The following SEZ6L variants were observed in gnomAD, a reference collection of about 807,000 sequenced individuals.
The protein encoded by SEZ6L is seizure 6-like protein.
A neutral mutation model predicts 106.2 loss-of-function variants in SEZ6L; 37 were observed. The ratio of observed to expected loss-of-function variants is 0.35; its 90% CI spans 0.27 to 0.46. The LOEUF is 0.46. Among genes scored for constraint, SEZ6L ranks in the 20% least tolerant of loss-of-function variants. SEZ6L has a pLI of 1.00. For missense variants in SEZ6L, 1,172 were observed against 1,332.8 expected (o/e 0.88, Z 1.88); for synonymous variants, 541 against 570.4 (o/e 0.95, Z 0.73).
chr22:26,342,383 G>T (rs1025007801), intron 10 of SEZ6L, among the ~76,000 whole-genome samples: 1 of 152,110 alleles, frequency 6.6e-6, no homozygotes, highest in South Asian at 2.1e-4. Context: ...CTTTCTCCCC[G>T]TTCACTTAAA....
At position 26,382,790 on chromosome 22, in the gene SEZ6L, G is replaced by A. The variant is rs964487209; in HGVS notation, c.*2495G>A. 2.6e-5 allele frequency: 4 copies of A among 152,202 alleles called. No homozygotes were observed. The highest frequency in any genetic ancestry group is 1.9e-4 in the East Asian group (1 of 5,180). The allele number at this position is 152,202 out of a possible 1,614,324, so 9.4% of individuals were successfully genotyped here. ...AGGCATCTCATTACAGCTCATGTAC[G>A]TCTGTTTTTATAAGATCAATATTAA... On this transcript the variant is annotated 3_prime_UTR_variant, in exon 17 of 17. Transcript: ENST00000248933.
intron 12 of SEZ6L, among the ~76,000 whole-genome samples, chr22:26,361,659 G>A (rs1489930306): frequency 6.6e-6 from 1 of 152,098 alleles, no homozygotes; most frequent in African/African-American, 2.4e-5. Context: ...GCGTGAGCTT[G>A]TTTTATTCTC....
At chr22:26,300,832 G>C (rs550256781) in intron 5 of SEZ6L, among the ~76,000 whole-genome samples, 1 of 152,300 alleles carries the variant, frequency 6.6e-6, no homozygotes, top group African/African-American at 2.4e-5. Context: ...TTGTTATTGA[G>C]TTGTAAGCAA....
intron 1 of SEZ6L, among the ~76,000 whole-genome samples, chr22:26,190,108 GAAGA>G (rs1346453636): frequency 6.7e-6 from 1 of 149,868 alleles, no homozygotes; most frequent in East Asian, 2.0e-4. Context: ...AAAAAAAAAA[GAAGA>G]AAGAAAAGAA....
intron 1 of SEZ6L, among the ~76,000 whole-genome samples, chr22:26,186,790 G>T (rs953706137): frequency 1.1e-4 from 17 of 152,138 alleles, no homozygotes; most frequent in Non-Finnish European, 2.1e-4. Context: ...ATCAAGCAGA[G>T]AATCATTGTC....
intron 1 of SEZ6L, among the ~76,000 whole-genome samples, chr22:26,219,272 G>A (rs5761411): frequency 0.49 from 45,192 of 92,076 alleles, 8,399 homozygotes; most frequent in Non-Finnish European, 0.56. Flanking sequence ...TTTTTTTTTC[G>A]CTCCTGGCAA....
At chr22:26,174,201 GGGGT>G (rs2123761042) in intron 1 of SEZ6L, among the ~76,000 whole-genome samples, 1 of 152,286 alleles carries the variant, frequency 6.6e-6, no homozygotes, top group East Asian at 1.9e-4. Flanking sequence ...ATTCTCACCA[GGGGT>G]GGTCAGTGAA....
At chr22:26,172,460 T>C (rs1289874461) in intron 1 of SEZ6L, among the ~76,000 whole-genome samples, 1 of 152,196 alleles carries the variant, frequency 6.6e-6, no homozygotes, top group Non-Finnish European at 1.5e-5. Flanking sequence ...GAGTGGCTTG[T>C]TTTCTTATTT....
intron 9 of SEZ6L, among the ~76,000 whole-genome samples, chr22:26,316,447 A>G (rs912613593): frequency 9.2e-5 from 14 of 152,226 alleles, no homozygotes; most frequent in Admixed American, 6.5e-5. Flanking sequence ...CAGGCAGGTG[A>G]GGGCACCTGA....
intron 8 of SEZ6L, among the ~76,000 whole-genome samples, chr22:26,312,550 G>C (rs1452283994): frequency 7.2e-6 from 1 of 138,312 alleles, no homozygotes; most frequent in Middle Eastern, 3.5e-3. Context: ...CCACTGGACA[G>C]TGTTGTAGAA....
chr22:26,316,547 C>G (rs976010208), intron 9 of SEZ6L, among the ~76,000 whole-genome samples: 1 of 151,752 alleles, frequency 6.6e-6, no homozygotes, highest in Non-Finnish European at 1.5e-5. Flanking sequence ...AGAAGAATGT[C>G]CTGGCCAGGC....
chr22:26,260,242 A>G (rs2079956389), intron 1 of SEZ6L, among the ~76,000 whole-genome samples: 1 of 152,108 alleles, frequency 6.6e-6, no homozygotes, highest in Non-Finnish European at 1.5e-5. Context: ...CCATCACCTG[A>G]GCAGTATTCA....
rs144559395 is a variant in SEZ6L at position 26,375,436 on chromosome 22, G to A, written c.2828-139G>A. ...ACCATTTCCTCTAGTCTTTGGAGAT[G>A]GCTCTGCAAGGTCTAAGGCCCTCCC... On this transcript the variant is annotated intron_variant, in intron 14 of 16. Coordinates refer to ENST00000248933, the MANE Select transcript of SEZ6L (RefSeq NM_021115.5). 5,666 of 669,318 alleles carry A rather than the reference G, an allele frequency of 8.5e-3. 62 individuals carry two copies. Among genetic ancestry groups the A allele is most frequent in the Middle Eastern group, 0.033 (82 of 2,496 alleles). The allele number at this position is 669,318 out of a possible 1,614,324, so 41.5% of individuals were successfully genotyped here.
chr22:26,316,819 G>C (rs1207368), intron 9 of SEZ6L, among the ~76,000 whole-genome samples: 25,873 of 150,072 alleles, frequency 0.17, 3,019 homozygotes, highest in Non-Finnish European at 0.25. Context: ...GTGACAGAGT[G>C]AGACTCTGAA....
intron 1 of SEZ6L, among the ~76,000 whole-genome samples, chr22:26,287,694 A>G (rs2080981611): frequency 1.3e-5 from 2 of 152,116 alleles, no homozygotes; most frequent in African/African-American, 4.8e-5. Flanking sequence ...GCTAATTCCC[A>G]GTGGGACTTG....
At chr22:26,340,077 A>C (rs1233682624) in intron 9 of SEZ6L, among the ~76,000 whole-genome samples, 1 of 152,102 alleles carries the variant, frequency 6.6e-6, no homozygotes, top group Admixed American at 6.5e-5. Context: ...TCTACTAAAT[A>C]CAAAAAAAAT....
At chr22:26,246,732 T>G (rs2079363311) in intron 1 of SEZ6L, among the ~76,000 whole-genome samples, 1 of 152,238 alleles carries the variant, frequency 6.6e-6, no homozygotes. Context: ...GCACTGCGCC[T>G]GGAAATGTTT....
chr22:26,380,551 C>A lies in SEZ6L; in HGVS notation c.*256C>A. On this transcript the variant is annotated 3_prime_UTR_variant, in exon 17 of 17. Transcript: ENST00000248933. ...ATTCTGAAGGCAGGTGGAAGACTTG[C>A]AAAATGGCAAACCGCGGCAGCAAAA... 2.4e-6 allele frequency: 1 copy of A among 409,806 alleles called. No homozygotes were observed. The highest frequency in any genetic ancestry group is 6.0e-5 in the South Asian group (1 of 16,540). 25.4% of individuals were successfully genotyped at this position (409,806 alleles called of 1,614,324 possible). A position where few individuals can be genotyped will look rare whatever the true frequency, so the allele number is the denominator to read the frequency against.
intron 5 of SEZ6L, 25 bp from the exon 6 acceptor site, chr22:26,305,954 G>C: frequency 5.5e-5 from 55 of 992,694 alleles, no homozygotes; most frequent in Non-Finnish European, 7.5e-5. Context: ...CTCTCCCATT[G>C]CCCACCCACC....
Sources: gnomAD v4.1 joint callset for allele counts (sites outside exome capture counted in the v4.1 genomes callset) on GRCh38, gnomAD v4.1.1 for gene constraint, MANE v1.5 for transcripts, NCBI Gene and HGNC (gene_info 2026-07-23, HGNC 2026-07-21) for gene names.